Variants in CEP97 observed in about 807,000 individuals in gnomAD.
CEP97 encodes centrosomal protein of 97 kDa.
CEP97 carries 43 observed loss-of-function variants against 73.1 expected under a neutral mutation model. The observed-to-expected ratio is 0.59, with a 90% CI of 0.46 to 0.76. The LOEUF (loss-of-function observed/expected upper bound fraction) is 0.76, where lower values mean the gene tolerates loss of function less well. Among genes scored for constraint, CEP97 ranks in the 30% least tolerant of loss-of-function variants. CEP97 has a pLI of 0.00. For synonymous variants in CEP97, 337 were observed against 370.0 expected (o/e 0.91, Z 1.02); for missense variants, 939 against 1,014.0 (o/e 0.93, Z 1.00).
chr3:101,758,101 C>T lies in CEP97; in HGVS notation c.1495C>T (p.His499Tyr). 6.2e-7 allele frequency: 1 copy of T among 1,614,212 alleles called. No homozygotes were observed. Among genetic ancestry groups the T allele is most frequent in the Non-Finnish European group, 8.5e-7 (1 of 1,180,044 alleles). ...IISAILKDDNHSLTFFPESTE... is the reference protein window; with the variant it reads ...IISAILKDDNYSLTFFPESTE... ...CAGTGCTATCTTGAAGGATGATAAC[C>T]ACAGTCTTACATTTTTTCCTGAGTC... is the stretch of plus-strand genomic sequence containing the variant. Residue 499 changes from histidine to tyrosine, a missense_variant, in exon 9 of 11, where the codon CAC becomes TAC. Coordinates refer to ENST00000341893, the MANE Select transcript of CEP97 (RefSeq NM_024548.4).
intron 6 of CEP97, among the ~76,000 whole-genome samples, chr3:101,733,182 C>T (rs1014563930): frequency 6.6e-6 from 1 of 152,118 alleles, no homozygotes; most frequent in Non-Finnish European, 1.5e-5. Context: ...TAGTGCCCTA[C>T]ATACAACAAT....
At chr3:101,735,862 G>A (rs1437267076) in intron 6 of CEP97, among the ~76,000 whole-genome samples, 5 of 152,262 alleles carry the variant, frequency 3.3e-5, no homozygotes, top group African/African-American at 1.2e-4. Context: ...TCACTCCTCT[G>A]GAAAGGGGGC....
At chr3:101,755,128 G>T (rs1938967060) in intron 6 of CEP97, among the ~76,000 whole-genome samples, 1 of 151,768 alleles carries the variant, frequency 6.6e-6, no homozygotes, top group Admixed American at 6.6e-5. Context: ...AGGCATTTCA[G>T]TGTGACAGAA....
intron 4 of CEP97, among the ~76,000 whole-genome samples, chr3:101,730,440 A>G (rs964718760): frequency 6.6e-6 from 1 of 151,024 alleles, no homozygotes; most frequent in African/African-American, 2.4e-5. Flanking sequence ...TAATTTTTGT[A>G]TTTTTAGTAG....
rs1939329450 is a variant in CEP97 at position 101,766,760 on chromosome 3, T to C, written c.*1209T>C. The stretch of plus-strand genomic sequence containing the variant: ...TTTAACAACATGTATTTGGTTTCCC[T>C]CAACTTACAGACATACAGCTATTTA... On this transcript the variant is annotated 3_prime_UTR_variant, in exon 11 of 11. Coordinates refer to ENST00000341893, the MANE Select transcript of CEP97 (RefSeq NM_024548.4). The C allele has an allele frequency of 6.6e-6, 1 of 152,274 alleles. No homozygotes were observed. Among genetic ancestry groups the C allele is most frequent in the African/African-American group, 2.4e-5 (1 of 41,460 alleles). 9.4% of individuals were successfully genotyped at this position (152,274 alleles called of 1,614,324 possible). A position where few individuals can be genotyped will look rare whatever the true frequency, so the allele number is the denominator to read the frequency against.
chr3:101,729,232 C>G (rs1238726797), intron 4 of CEP97, among the ~76,000 whole-genome samples: 1 of 151,806 alleles, frequency 6.6e-6, no homozygotes, highest in Non-Finnish European at 1.5e-5. Context: ...GTAGTCCCAG[C>G]TACTCAGCTA....
intron 6 of CEP97, among the ~76,000 whole-genome samples, chr3:101,749,880 A>G (rs1263359275): frequency 3.5e-5 from 5 of 144,676 alleles, no homozygotes; most frequent in Admixed American, 2.1e-4. Context: ...AGTTCATTGT[A>G]GATTCTGGAT....
intron 6 of CEP97, among the ~76,000 whole-genome samples, chr3:101,735,512 G>A (rs1238872559): frequency 1.3e-5 from 2 of 152,172 alleles, no homozygotes; most frequent in Non-Finnish European, 2.9e-5. Flanking sequence ...CATCTCACTG[G>A]GACTAGTTAG....
rs3070526 is a variant in CEP97 at position 101,727,363 on chromosome 3, AAT to A, written c.187-17_187-16del. On this transcript the variant is annotated intron_variant, in intron 2 of 10. Transcript: ENST00000341893. ...TATATATGTTATTCCTAAAAATAACAATATGTTTCCTTTTTACAGTTATCAGT... is the reference window on the plus strand; with the variant it reads ...TATATATGTTATTCCTAAAAATAACAATGTTTCCTTTTTACAGTTATCAGT... 0.34 allele frequency: 534,774 copies of A among 1,591,590 alleles called. 92,109 individuals carry two copies. Among genetic ancestry groups the A allele is most frequent in the Non-Finnish European group, 0.35 (408,924 of 1,165,756 alleles).
intron 6 of CEP97, among the ~76,000 whole-genome samples, chr3:101,751,984 G>A (rs1194392083): frequency 6.6e-6 from 1 of 152,090 alleles, no homozygotes; most frequent in African/African-American, 2.4e-5. Flanking sequence ...TTGCTTCCTA[G>A]CCTTGATGGT....
At position 101,766,849 on chromosome 3, in the gene CEP97, T is replaced by C. The variant is rs1256812429; in HGVS notation, c.*1298T>C. On this transcript the variant is annotated 3_prime_UTR_variant, in exon 11 of 11. Coordinates refer to ENST00000341893, the MANE Select transcript of CEP97 (RefSeq NM_024548.4). ...CTAAATATCTATTATTCTGTTGTAG[T>C]CATTAGGTGCCCTTCTCTGAAGTTA... The C allele has an allele frequency of 6.6e-6, 1 of 152,208 alleles. No individual in the cohort carries two copies. Among genetic ancestry groups the C allele is most frequent in the Non-Finnish European group, 1.5e-5 (1 of 68,044 alleles). The allele number at this position is 152,208 out of a possible 1,614,324, so 9.4% of individuals were successfully genotyped here.
At chr3:101,741,421 T>C (rs1938446950) in intron 6 of CEP97, among the ~76,000 whole-genome samples, 1 of 151,920 alleles carries the variant, frequency 6.6e-6, no homozygotes, top group Admixed American at 6.5e-5. Flanking sequence ...ACACATAGGA[T>C]CTAATTAAAC....
rs1299398536 is a variant in CEP97, at chr3:101,765,712, C to T, written c.*161C>T. The T allele has an allele frequency of 1.7e-6, 1 of 605,910 alleles. No homozygotes were observed. The highest frequency in any genetic ancestry group is 1.9e-5 in the African/African-American group (1 of 53,554). The allele number at this position is 605,910 out of a possible 1,614,324, so 37.5% of individuals were successfully genotyped here. The stretch of plus-strand genomic sequence containing the variant: ...TATTTTTCAGATTCTAGATATTGAG[C>T]TGAGTTTTCATTTTGATTTTGTTAG... On this transcript the variant is annotated 3_prime_UTR_variant, in exon 11 of 11. Coordinates refer to ENST00000341893, the MANE Select transcript of CEP97 (RefSeq NM_024548.4).
intron 6 of CEP97, among the ~76,000 whole-genome samples, chr3:101,745,673 T>C (rs1472035372): frequency 6.6e-6 from 1 of 152,070 alleles, no homozygotes. Flanking sequence ...GTCAATATTC[T>C]GCCAGTCTTG....
At chr3:101,736,234 A>G (rs1000724971) in intron 6 of CEP97, among the ~76,000 whole-genome samples, 1 of 152,178 alleles carries the variant, frequency 6.6e-6, no homozygotes, top group African/African-American at 2.4e-5. Context: ...TCTCCCAGGG[A>G]CAGAGCACCT....
intron 6 of CEP97, among the ~76,000 whole-genome samples, chr3:101,743,958 C>T (rs912585258): frequency 6.8e-6 from 1 of 147,270 alleles, no homozygotes; most frequent in African/African-American, 2.5e-5. Flanking sequence ...GAGCTGAGAT[C>T]GTGCCATTGA....
intron 6 of CEP97, among the ~76,000 whole-genome samples, 157 bp from the exon 7 acceptor site, chr3:101,755,273 G>C (rs1268619802): frequency 6.6e-6 from 1 of 152,122 alleles, no homozygotes; most frequent in African/African-American, 2.4e-5. Flanking sequence ...ATATGAGTCA[G>C]AATGATAGAT....
chr3:101,733,520 T>A (rs1938177464), intron 6 of CEP97, among the ~76,000 whole-genome samples: 1 of 151,898 alleles, frequency 6.6e-6, no homozygotes, highest in African/African-American at 2.4e-5. Context: ...CTTCTTTTTT[T>A]TTTATTTTTT....
At chr3:101,758,983 T>G (rs911011285) in intron 9 of CEP97, 8 of 153,584 alleles carry the variant, frequency 5.2e-5, no homozygotes, top group African/African-American at 1.9e-4. Context: ...CAAAGGATAC[T>G]GAGAAGGGAC....
Sources: gnomAD v4.1 joint callset for allele counts (sites outside exome capture counted in the v4.1 genomes callset) on GRCh38, gnomAD v4.1.1 for gene constraint, MANE v1.5 for transcripts, NCBI Gene and HGNC (gene_info 2026-07-23, HGNC 2026-07-21) for gene names.